Variants in GPC6 observed in about 807,000 individuals in gnomAD.
The protein encoded by GPC6 is glypican-6.
A neutral mutation model predicts 55.2 loss-of-function variants in GPC6; 14 were observed. The observed-to-expected ratio is 0.25, with a 90% CI of 0.17 to 0.40. GPC6 has a LOEUF of 0.40. Among genes scored for constraint, GPC6 ranks in the 10% least tolerant of loss-of-function variants. GPC6 has a pLI of 1.00. For synonymous variants in GPC6, 278 were observed against 259.6 expected (o/e 1.07, Z -0.68); for missense variants, 641 against 708.5 (o/e 0.90, Z 1.08).
intron 5 of GPC6, among the ~76,000 whole-genome samples, chr13:94,303,369 T>C (rs115191907): frequency 0.016 from 2,506 of 152,304 alleles, 55 homozygotes; most frequent in African/African-American, 0.057. Context: ...TGAGCTAAGT[T>C]GCAAGCCTCG....
intron 2 of GPC6, among the ~76,000 whole-genome samples, chr13:93,823,062 A>G (rs1385543608): frequency 6.6e-6 from 1 of 151,412 alleles, no homozygotes; most frequent in African/African-American, 2.4e-5. Context: ...ACAGGGTTTC[A>G]CCGTGTTAGC....
intron 1 of GPC6, among the ~76,000 whole-genome samples, chr13:93,387,129 C>T (rs1433633761): frequency 9.0e-5 from 1 of 11,086 alleles, no homozygotes; most frequent in Non-Finnish European, 2.0e-4. Context: ...TTGATGGTTT[C>T]TTTCTTTTTT....
chr13:93,343,440 C>G (rs991345375), intron 1 of GPC6, among the ~76,000 whole-genome samples: 1 of 152,244 alleles, frequency 6.6e-6, no homozygotes, highest in African/African-American at 2.4e-5. Flanking sequence ...TATGGTACCC[C>G]AGATACTCAC....
intron 2 of GPC6, among the ~76,000 whole-genome samples, chr13:93,623,056 C>T (rs574589278): frequency 4.9e-4 from 75 of 152,166 alleles, no homozygotes; most frequent in Non-Finnish European, 9.0e-4. Flanking sequence ...TATTATTGTC[C>T]ATGTTCATCC....
intron 3 of GPC6, among the ~76,000 whole-genome samples, chr13:93,856,748 A>C (rs1423741570): frequency 6.6e-6 from 1 of 151,596 alleles, no homozygotes; most frequent in African/African-American, 2.4e-5. Context: ...TTCAATTAAA[A>C]GAAATAAGCA....
At chr13:93,822,260 T>G (rs1887074545) in intron 2 of GPC6, among the ~76,000 whole-genome samples, 1 of 152,094 alleles carries the variant, frequency 6.6e-6, no homozygotes, top group Non-Finnish European at 1.5e-5. Context: ...AACTATCCTT[T>G]TGTAAGCCAG....
chr13:93,645,510 GC>G (rs1439299410), intron 2 of GPC6, among the ~76,000 whole-genome samples: 1 of 152,066 alleles, frequency 6.6e-6, no homozygotes, highest in Non-Finnish European at 1.5e-5. Flanking sequence ...TTTTTTAATA[GC>G]CTGAAGAGTG....
chr13:93,381,470 C>T (rs1174954277), intron 1 of GPC6, among the ~76,000 whole-genome samples: 1 of 152,098 alleles, frequency 6.6e-6, no homozygotes, highest in Non-Finnish European at 1.5e-5. Context: ...AAACTAATTT[C>T]TAGAGGACCA....
intron 2 of GPC6, among the ~76,000 whole-genome samples, chr13:93,704,710 T>C (rs1462848250): frequency 6.6e-6 from 1 of 151,876 alleles, no homozygotes. Context: ...ACATGCACAA[T>C]GTAAAAGCAA....
chr13:93,877,083 A>G (rs972602704), intron 3 of GPC6, among the ~76,000 whole-genome samples: 2 of 152,122 alleles, frequency 1.3e-5, no homozygotes, highest in African/African-American at 4.8e-5. Flanking sequence ...GAAATATAAC[A>G]CTTTATAAAT....
Position 93,392,357 on chromosome 13 carries a change from C to T in GPC6, c.161-152906C>T, listed in dbSNP as rs548288375. The stretch of plus-strand genomic sequence containing the variant: ...TGTTTTTTACTTTATTGAGCTTATT[C>T]GGAAACAATGAAACTCCATCCTGCC... On this transcript the variant is annotated intron_variant, in intron 1 of 8. Coordinates refer to ENST00000377047, the MANE Select transcript of GPC6 (RefSeq NM_005708.5). Among the ~76,000 whole-genome samples, 6 of 152,252 alleles carry T rather than the reference C, an allele frequency of 3.9e-5. No individual in the cohort carries two copies. In the East Asian group the frequency reaches 5.8e-4, roughly 15 times the overall value.
At chr13:93,811,646 G>C (rs1263214322) in intron 2 of GPC6, among the ~76,000 whole-genome samples, 1 of 152,004 alleles carries the variant, frequency 6.6e-6, no homozygotes, top group Non-Finnish European at 1.5e-5. Flanking sequence ...CGTATTCATG[G>C]GGATTGAGGC....
intron 1 of GPC6, among the ~76,000 whole-genome samples, chr13:93,357,804 C>T (rs752219537): frequency 1.8e-4 from 28 of 152,214 alleles, no homozygotes; most frequent in Non-Finnish European, 2.8e-4. Context: ...CACTGCACTC[C>T]AGCCTGGGCA....
chr13:93,428,678 A>G (rs1180575329), intron 1 of GPC6, among the ~76,000 whole-genome samples: 2 of 152,084 alleles, frequency 1.3e-5, no homozygotes, highest in Non-Finnish European at 2.9e-5. Context: ...ATTCATAGGG[A>G]TATTAGATCA....
At chr13:93,880,851 TAAATAA>T (rs894605495) in intron 3 of GPC6, among the ~76,000 whole-genome samples, 1 of 139,918 alleles carries the variant, frequency 7.1e-6, no homozygotes, top group Non-Finnish European at 1.6e-5. Context: ...AAAAAATAAA[TAAATAA>T]AAATAAAAAT....
intron 2 of GPC6, among the ~76,000 whole-genome samples, chr13:93,800,590 A>T (rs1279976577): frequency 6.6e-6 from 1 of 152,156 alleles, no homozygotes; most frequent in African/African-American, 2.4e-5. Flanking sequence ...GCAAACATAA[A>T]CAGGTTTCCA....
chr13:93,816,151 G>T (rs183077672), intron 2 of GPC6, among the ~76,000 whole-genome samples: 112 of 151,950 alleles, frequency 7.4e-4, no homozygotes, highest in Admixed American at 1.5e-3. Flanking sequence ...CTTTAGTTTG[G>T]TCTGATATCT....
chr13:93,929,338 C>T (rs1878033536), intron 3 of GPC6, among the ~76,000 whole-genome samples: 2 of 152,024 alleles, frequency 1.3e-5, no homozygotes, highest in South Asian at 4.2e-4. Flanking sequence ...CATTTTATGC[C>T]AAAAATATAC....
At chr13:94,276,640 C>G (rs939922429) in intron 4 of GPC6, among the ~76,000 whole-genome samples, 6 of 152,056 alleles carry the variant, frequency 3.9e-5, no homozygotes, top group Non-Finnish European at 5.9e-5. Context: ...CTTCCTGTGT[C>G]CATATATTCT....
Sources: gnomAD v4.1 joint callset for allele counts (sites outside exome capture counted in the v4.1 genomes callset) on GRCh38, gnomAD v4.1.1 for gene constraint, MANE v1.5 for transcripts, NCBI Gene and HGNC (gene_info 2026-07-23, HGNC 2026-07-21) for gene names.